The following PLCB4 variants were observed in gnomAD, a reference collection of about 807,000 sequenced individuals.
The protein encoded by PLCB4 is 1-phosphatidylinositol 4,5-bisphosphate phosphodiesterase beta-4.
In PLCB4, 77 loss-of-function variants were observed where a neutral mutation model predicts 178.8. The ratio of observed to expected loss-of-function variants is 0.43; its 90% CI spans 0.36 to 0.52. The LOEUF is 0.52. Ranked by LOEUF, PLCB4 falls within the 20% of genes least tolerant of loss-of-function variation. The probability of loss-of-function intolerance (pLI) is 0.00; values close to 1 mark genes in which losing one functional copy is unlikely to be tolerated. For synonymous variants in PLCB4, 496 were observed against 490.8 expected (o/e 1.01, Z -0.14); for missense variants, 1,024 against 1,453.4 (o/e 0.70, Z 4.80).
intron 28 of PLCB4, among the ~76,000 whole-genome samples, chr20:9,429,958 G>T (rs2041283089): frequency 6.6e-6 from 1 of 152,158 alleles, no homozygotes; most frequent in South Asian, 2.1e-4. Flanking sequence ...TCCTAGAAAG[G>T]GGTATCCAAT....
chr20:9,250,103 C>A (rs887420258), intron 3 of PLCB4, among the ~76,000 whole-genome samples: 1 of 152,216 alleles, frequency 6.6e-6, no homozygotes, highest in Non-Finnish European at 1.5e-5. Flanking sequence ...AAGTTATGAT[C>A]CACTTAAGAG....
chr20:9,296,541 A>G (rs1398145237), intron 3 of PLCB4, among the ~76,000 whole-genome samples: 4 of 152,174 alleles, frequency 2.6e-5, no homozygotes, highest in Admixed American at 1.3e-4. Flanking sequence ...TCATGCTGCT[A>G]TAAAGACACA....
At chr20:9,246,526 G>T (rs777929061) in intron 3 of PLCB4, among the ~76,000 whole-genome samples, 19 of 151,906 alleles carry the variant, frequency 1.3e-4, no homozygotes, top group South Asian at 8.3e-4. Context: ...TAATACTCCT[G>T]TGGTAATGTT....
At chr20:9,399,942 A>G (rs1007851427) in intron 19 of PLCB4, among the ~76,000 whole-genome samples, 1 of 152,220 alleles carries the variant, frequency 6.6e-6, no homozygotes, top group Non-Finnish European at 1.5e-5. Flanking sequence ...TAGATCCATT[A>G]TCTTGCTGTG....
chr20:9,183,252 A>G (rs1193933230), intron 2 of PLCB4, among the ~76,000 whole-genome samples: 2 of 152,072 alleles, frequency 1.3e-5, no homozygotes, highest in Non-Finnish European at 2.9e-5. Flanking sequence ...CCCAAGCATA[A>G]TGGGGTAACT....
At chr20:9,371,622 T>A (rs933777043) in intron 10 of PLCB4, among the ~76,000 whole-genome samples, 1 of 152,122 alleles carries the variant, frequency 6.6e-6, no homozygotes, top group Non-Finnish European at 1.5e-5. Flanking sequence ...TGTTACACAG[T>A]TTTTATTTTA....
At chr20:9,140,138 G>C (rs541380979) in intron 2 of PLCB4, among the ~76,000 whole-genome samples, 1 of 151,926 alleles carries the variant, frequency 6.6e-6, no homozygotes, top group Admixed American at 6.6e-5. Context: ...TTTCTGCTCT[G>C]TGTCCCTGAG....
At chr20:9,474,170 T>TC (rs1468939646) in intron 38 of PLCB4, among the ~76,000 whole-genome samples, 21 of 148,854 alleles carry the variant, frequency 1.4e-4, no homozygotes, top group African/African-American at 4.7e-4. Flanking sequence ...TGAGCCGAGA[T>TC]CGCACCACTG....
chr20:9,370,923 A>G, intron 9 of PLCB4: 1 of 231,566 alleles, frequency 4.3e-6, no homozygotes, highest in Non-Finnish European at 8.5e-6. Flanking sequence ...AATAAAAAAT[A>G]AAAAATAAAT....
chr20:9,439,407 A>C (rs1348025007), intron 30 of PLCB4, among the ~76,000 whole-genome samples: 1 of 152,204 alleles, frequency 6.6e-6, no homozygotes, highest in Non-Finnish European at 1.5e-5. Context: ...GCAGGTCACA[A>C]AGTGAACCAA....
At chr20:9,450,663 T>TC (rs571265435) in intron 32 of PLCB4, among the ~76,000 whole-genome samples, 49 of 141,452 alleles carry the variant, frequency 3.5e-4, no homozygotes, top group Non-Finnish European at 6.9e-4. Context: ...CTTTTCTTTT[T>TC]TTTTTTTTTT....
chr20:9,074,215 C>T lies in PLCB4; in HGVS notation c.-135+5009C>T, dbSNP rs541184452. Among the ~76,000 whole-genome samples the T allele has an allele frequency of 1.2e-3, 180 of 152,252 alleles. 6 individuals carry two copies. In the South Asian group the frequency reaches 0.036, roughly 31 times the overall value. On this transcript the variant is annotated intron_variant, in intron 1 of 39. Coordinates refer to ENST00000378473, the MANE Select transcript of PLCB4 (RefSeq NM_001377142.1). ...TATCTGTAAAATGAGGAGAATAACC[C>T]TATGGGGCAAAAGTGCTTGGTGCTG... is the stretch of plus-strand genomic sequence containing the variant.
intron 3 of PLCB4, among the ~76,000 whole-genome samples, chr20:9,242,154 A>G (rs969258036): frequency 6.6e-6 from 1 of 152,200 alleles, no homozygotes; most frequent in Non-Finnish European, 1.5e-5. Flanking sequence ...CAGAATGGGA[A>G]GAGATGTCAA....
At chr20:9,422,399 T>C (rs1342800802) in intron 27 of PLCB4, among the ~76,000 whole-genome samples, 2 of 152,248 alleles carry the variant, frequency 1.3e-5, no homozygotes, top group Non-Finnish European at 2.9e-5. Context: ...CATTGTCTTC[T>C]TCTCTGCCCC....
intron 2 of PLCB4, among the ~76,000 whole-genome samples, chr20:9,195,270 C>T (rs1243224777): frequency 3.9e-5 from 6 of 152,290 alleles, no homozygotes; most frequent in Admixed American, 3.3e-4. Context: ...AGATTCTGCA[C>T]GTCCAACAAG....
chr20:9,338,110 T>C, intron 6 of PLCB4, 43 bp downstream of exon 6: 1 of 1,330,462 alleles, frequency 7.5e-7, no homozygotes, highest in Non-Finnish European at 1.1e-6. Flanking sequence ...CGGATTTACT[T>C]ATATTGGAAA....
At chr20:9,475,569 A>T (rs1387705292) in intron 38 of PLCB4, among the ~76,000 whole-genome samples, 2 of 152,226 alleles carry the variant, frequency 1.3e-5, no homozygotes, top group Non-Finnish European at 2.9e-5. Context: ...CCTGATAAAG[A>T]TTTAATGAGA....
chr20:9,174,465 T>C (rs1427989098), intron 2 of PLCB4, among the ~76,000 whole-genome samples: 1 of 151,762 alleles, frequency 6.6e-6, no homozygotes, highest in Non-Finnish European at 1.5e-5. Flanking sequence ...TTTTTTTTTT[T>C]TCTTTTCAAT....
chr20:9,365,795 T>G (rs1004927340), intron 9 of PLCB4, among the ~76,000 whole-genome samples: 3 of 152,150 alleles, frequency 2.0e-5, no homozygotes, highest in Non-Finnish European at 4.4e-5. Context: ...GGCAAATAAG[T>G]GGTTTTTAGG....
Sources: gnomAD v4.1 joint callset for allele counts (sites outside exome capture counted in the v4.1 genomes callset) on GRCh38, gnomAD v4.1.1 for gene constraint, MANE v1.5 for transcripts, NCBI Gene and HGNC (gene_info 2026-07-23, HGNC 2026-07-21) for gene names.